PCDHGB2: variants seen among roughly 807,000 people sequenced by gnomAD.
The protein encoded by PCDHGB2 is protocadherin gamma-B2.
A neutral mutation model predicts 59.3 loss-of-function variants in PCDHGB2; 55 were observed. That is an observed-to-expected ratio of 0.93 (90% CI 0.75 to 1.16). The LOEUF is 1.16. Ranked by LOEUF, PCDHGB2 falls within the 50% of genes most tolerant of loss-of-function variation. The pLI, the probability that PCDHGB2 is intolerant of heterozygous loss-of-function variation, is 0.00. For missense variants in PCDHGB2, 1,228 were observed against 1,198.5 expected, an observed-to-expected ratio of 1.02 and a Z score of -0.36; for synonymous variants, 516 against 512.0, an observed-to-expected ratio of 1.01 and a Z score of -0.11.
At chr5:141,374,443 A>C (rs886695991) in intron 1 of PCDHGB2, 1 of 1,613,842 alleles carries the variant, frequency 6.2e-7, no homozygotes. Context: ...ATCCCGTGGA[A>C]GTGGAAATAG....
At chr5:141,398,993 G>A (rs1438560245) in intron 1 of PCDHGB2, 2 of 1,613,944 alleles carry the variant, frequency 1.2e-6, no homozygotes, top group Admixed American at 1.7e-5. Flanking sequence ...CAAATCTTTA[G>A]TCTGAATTCA....
rs1263406836 is a variant in PCDHGB2 at position 141,491,918 on chromosome 5, G to A, written c.2422-2889G>A. On this transcript the variant is annotated intron_variant, in intron 1 of 3. Coordinates refer to ENST00000522605, the MANE Select transcript of PCDHGB2 (RefSeq NM_018923.3). The surrounding 1 kb of genome is among the most constrained non-coding windows in gnomAD (Gnocchi z 6.9). ...GCACCGGGGGTGGTGGCGACTGTGGGCGAGGGGAGGTGGGACCGACCCCCA... is the reference window on the plus strand; with the variant it reads ...GCACCGGGGGTGGTGGCGACTGTGGACGAGGGGAGGTGGGACCGACCCCCA... 2 of 1,371,698 alleles carry A rather than the reference G, an allele frequency of 1.5e-6. No homozygotes were observed. Among genetic ancestry groups the A allele is most frequent in the Non-Finnish European group, 1.9e-6 (2 of 1,028,962 alleles). 85.0% of individuals were successfully genotyped at this position (1,371,698 alleles called of 1,614,324 possible).
intron 2 of PCDHGB2, among the ~76,000 whole-genome samples, chr5:141,495,389 C>T (rs966648925): frequency 2.0e-5 from 3 of 152,204 alleles, no homozygotes; most frequent in African/African-American, 7.2e-5. Context: ...CTGGGCGGGG[C>T]ATGGAGCAGG....
At chr5:141,423,702 C>T in intron 1 of PCDHGB2, 4 of 1,340,970 alleles carry the variant, frequency 3.0e-6, no homozygotes, top group South Asian at 1.6e-5. Flanking sequence ...GGTGTCTTGG[C>T]ACAAGTCTTT....
intron 1 of PCDHGB2, chr5:141,426,908 G>C (rs1047101179): frequency 8.8e-6 from 4 of 456,612 alleles, no homozygotes; most frequent in African/African-American, 6.0e-5. Context: ...CTCATCTCCT[G>C]GTCCTGGAAG....
At chr5:141,474,461 CTT>C (rs1264129273) in intron 1 of PCDHGB2, among the ~76,000 whole-genome samples, 1 of 152,214 alleles carries the variant, frequency 6.6e-6, no homozygotes, top group East Asian at 1.9e-4. Context: ...GGGCTATACT[CTT>C]TATTCTAAAT....
chr5:141,408,973 T>C (rs754120948), intron 1 of PCDHGB2: 8 of 1,613,718 alleles, frequency 5.0e-6, no homozygotes, highest in South Asian at 1.1e-5. Context: ...ATCTGCCCCC[T>C]GGGTCCCCTG....
chr5:141,485,826 G>A lies in PCDHGB2; in HGVS notation c.2422-8981G>A. The A allele has an allele frequency of 6.2e-7, 1 of 1,614,070 alleles. No individual in the cohort carries two copies. Among genetic ancestry groups the A allele is most frequent in the South Asian group, 1.1e-5 (1 of 91,078 alleles). Reference sequence around the variant, plus strand: ...CTGGTGCTGACTGCTGTCGATGGAGGGAACCCGCCGAGATCTGGCACCGCA... The same window carrying A: ...CTGGTGCTGACTGCTGTCGATGGAGAGAACCCGCCGAGATCTGGCACCGCA... On this transcript the variant is annotated intron_variant, in intron 1 of 3. Transcript: ENST00000522605. The surrounding 1 kb of genome is among the most constrained non-coding windows in gnomAD (Gnocchi z 5.7).
chr5:141,427,126 C>T (rs1216633922), intron 1 of PCDHGB2: 1 of 457,282 alleles, frequency 2.2e-6, no homozygotes, highest in Non-Finnish European at 4.4e-6. Context: ...TCTTTCAAAT[C>T]CCTACGAGAT....
intron 1 of PCDHGB2, chr5:141,399,787 A>C (rs111395890): frequency 0.048 from 76,979 of 1,613,184 alleles, 1,998 homozygotes; most frequent in South Asian, 0.077. Flanking sequence ...CCGAAACGAC[A>C]ACGCACCGCG....
rs140199351 is a variant in PCDHGB2, at chr5:141,465,921, G to C, written c.2422-28886G>C. Among the ~76,000 whole-genome samples, 1,515 of 152,146 alleles carry C rather than the reference G, an allele frequency of 1.0e-2. 24 individuals carry two copies. The highest frequency in any genetic ancestry group is 0.034 in the African/African-American group (1,400 of 41,520). On this transcript the variant is annotated intron_variant, in intron 1 of 3. Transcript: ENST00000522605. ...GCAAATCACGAGGTCAGGATTTCGA[G>C]TCCATCCTGGCTAACATGGTGAAAC...
chr5:141,374,568 T>C (rs778991888), intron 1 of PCDHGB2: 1 of 1,613,706 alleles, frequency 6.2e-7, no homozygotes, highest in South Asian at 1.1e-5. Flanking sequence ...GACCCTGATG[T>C]GGGAATGAAC....
chr5:141,397,092 G>A (rs1422724446), intron 1 of PCDHGB2, among the ~76,000 whole-genome samples: 3 of 152,136 alleles, frequency 2.0e-5, no homozygotes, highest in South Asian at 2.1e-4. Flanking sequence ...ATTTCAGATA[G>A]GATAATAATG....
At chr5:141,502,866 C>CTTTTTTTTTTTTTTTT (rs549047197) in intron 2 of PCDHGB2, among the ~76,000 whole-genome samples, 4 of 128,044 alleles carry the variant, frequency 3.1e-5, no homozygotes, top group African/African-American at 3.1e-5. Context: ...GACTCTCTGT[C>CTTTTTTTTTTTTTTTT]TTTTTTTTTT....
At position 141,362,080 on chromosome 5, in the gene PCDHGB2, G is replaced by A; in HGVS notation, c.1945G>A (p.Gly649Arg). The A allele has an allele frequency of 4.3e-6, 7 of 1,613,200 alleles. No individual in the cohort carries two copies. Among genetic ancestry groups the A allele is most frequent in the Non-Finnish European group, 5.9e-6 (7 of 1,179,832 alleles). ...GCGCCTGCTGGTCGCTGTGCGTGAT[G>A]GAGGACAGCCGCCACTCTCCGCTAC... ...RQRLLVAVRD[G>R]GQPPLSATAT... The change falls in exon 1 of 4, where the codon GGA (glycine) becomes AGA (arginine). Residue 649 changes from glycine to arginine, a missense_variant. Gly to Arg is a moderately radical substitution (Grantham distance 125, BLOSUM62 -2). Transcript: ENST00000522605.
chr5:141,379,798 G>C (rs890822360), intron 1 of PCDHGB2, among the ~76,000 whole-genome samples: 1 of 150,150 alleles, frequency 6.7e-6, no homozygotes, highest in African/African-American at 2.5e-5. Context: ...GCTATCTGAG[G>C]TTTTGAGAGT....
intron 1 of PCDHGB2, chr5:141,385,172 C>A (rs1013319688): frequency 1.2e-6 from 2 of 1,614,210 alleles, no homozygotes; most frequent in Non-Finnish European, 8.5e-7. Context: ...CATGAGGTCT[C>A]CCTCACCGCG....
chr5:141,489,334 C>T lies in PCDHGB2; in HGVS notation c.2422-5473C>T, dbSNP rs768635851. On this transcript the variant is annotated intron_variant, in intron 1 of 3. Transcript: ENST00000522605. This position sits in a 1 kb window ranked among gnomAD's most constrained non-coding sequence, Gnocchi z 4.5. ...CTGGGGCTGGGTGTCTGGGCAGCTTCGTTACTCAGTGGTGGAGGAGTCTGA... is the reference window on the plus strand; with the variant it reads ...CTGGGGCTGGGTGTCTGGGCAGCTTTGTTACTCAGTGGTGGAGGAGTCTGA... The T allele has an allele frequency of 3.7e-6, 6 of 1,606,732 alleles. No individual in the cohort carries two copies. The highest frequency in any genetic ancestry group is 1.1e-5 in the South Asian group (1 of 90,048).
chr5:141,379,889 C>CTTTTTTTTTTTTTTTTTTTTTTTTTTTT lies in PCDHGB2; in HGVS notation c.2421+17336_2421+17363dup, dbSNP rs70988800. On this transcript the variant is annotated intron_variant, in intron 1 of 3. Transcript: ENST00000522605. The stretch of plus-strand genomic sequence containing the variant: ...CTTATTTTATGGTCTGTGAAAGCCT[C>CTTTTTTTTTTTTTTTTTTTTTTTTTTTT]TTTTTTTTTTTTTTTTTTTTTTTTT... Among the ~76,000 whole-genome samples the CTTTTTTTTTTTTTTTTTTTTTTTTTTTT allele has an allele frequency of 5.5e-4, 28 of 50,832 alleles. 8 individuals are homozygous for CTTTTTTTTTTTTTTTTTTTTTTTTTTTT. The highest frequency in any genetic ancestry group is 7.7e-4 in the Non-Finnish European group (20 of 25,882). 33.3% of individuals were successfully genotyped at this position (50,832 alleles called of 152,430 possible). A position where few individuals can be genotyped will look rare whatever the true frequency, so the allele number is the denominator to read the frequency against.
Sources: allele counts gnomAD v4.1 joint callset (sites outside exome capture counted in the v4.1 genomes callset), GRCh38; gene constraint gnomAD v4.1.1; non-coding constraint Gnocchi (gnomAD v3.1); transcripts MANE v1.5; gene names NCBI Gene and HGNC (gene_info 2026-07-23, HGNC 2026-07-21).